Variants in ZNF718 observed in about 807,000 individuals in gnomAD.
The protein encoded by ZNF718 is zinc finger protein 718.
ZNF718 carries 3 observed loss-of-function variants against 2.6 expected under a neutral mutation model. That is an observed-to-expected ratio of 1.16 (90% CI 0.53 to 3.01). The LOEUF is 3.01. Among genes scored for constraint, ZNF718 ranks in the 30% most tolerant of loss-of-function variants. ZNF718 has a pLI of 0.03. For synonymous variants in ZNF718, 135 were observed against 77.9 expected, an observed-to-expected ratio of 1.73 and a Z score of -3.86; for missense variants, 468 against 230.0, an observed-to-expected ratio of 2.03 and a Z score of -6.69.
downstream of ZNF718, among the ~76,000 whole-genome samples, chr4:166,695 CTGTT>C (rs1717095556): frequency 6.6e-6 from 1 of 151,812 alleles, no homozygotes; most frequent in Non-Finnish European, 1.5e-5. Context: ...TTTGATGGGG[CTGTT>C]TGTTTTTTTT....
chr4:135,012 G>A (rs1715495755), intron 3 of ZNF718, among the ~76,000 whole-genome samples: 1 of 152,268 alleles, frequency 6.6e-6, no homozygotes, highest in Admixed American at 6.5e-5. Context: ...GGGAGGCTAA[G>A]GTGGGTGGAT....
intron 1 of ZNF718, among the ~76,000 whole-genome samples, chr4:125,513 T>C (rs1715168440): frequency 6.6e-6 from 1 of 152,178 alleles, no homozygotes; most frequent in Admixed American, 6.5e-5. Context: ...GAGCATTGAC[T>C]GGTGTTGAGG....
intron 1 of ZNF718, among the ~76,000 whole-genome samples, chr4:126,126 C>T (rs1204026221): frequency 6.6e-6 from 1 of 152,224 alleles, no homozygotes; most frequent in Non-Finnish European, 1.5e-5. Flanking sequence ...CTTTTTCCTT[C>T]CCCACAAATC....
At chr4:150,888 TTGTG>T (rs111894956) in intron 3 of ZNF718, among the ~76,000 whole-genome samples, 11 of 150,228 alleles carry the variant, frequency 7.3e-5, no homozygotes, top group East Asian at 1.9e-4. Flanking sequence ...AATTTGAATT[TTGTG>T]TGTGTGTGTG....
chr4:126,800 AT>A (rs1462551411), intron 1 of ZNF718, among the ~76,000 whole-genome samples: 6 of 150,320 alleles, frequency 4.0e-5, no homozygotes, highest in African/African-American at 1.5e-4. Flanking sequence ...ATGGTGGAAA[AT>A]TTTTTTAGGA....
At chr4:165,262 A>G (rs1203756987), downstream of ZNF718, among the ~76,000 whole-genome samples, 2 of 152,168 alleles carry the variant, frequency 1.3e-5, no homozygotes, top group Non-Finnish European at 2.9e-5. Context: ...GGGTATTTAT[A>G]GCTTATCAAT....
chr4:139,902 C>T (rs1206336566), intron 3 of ZNF718, among the ~76,000 whole-genome samples: 1 of 152,214 alleles, frequency 6.6e-6, no homozygotes, highest in Non-Finnish European at 1.5e-5. Context: ...GCAGAGAAGG[C>T]TGACTGCCAC....
chr4:185,410 T>G (rs1310535236), intron 3 of ZNF718, among the ~76,000 whole-genome samples: 1 of 152,210 alleles, frequency 6.6e-6, no homozygotes, highest in Non-Finnish European at 1.5e-5. Context: ...GAGGCATGTT[T>G]TAATACTGAT....
At chr4:171,911 G>A (rs1199181883) in intron 3 of ZNF718, among the ~76,000 whole-genome samples, 1 of 152,212 alleles carries the variant, frequency 6.6e-6, no homozygotes, top group South Asian at 2.1e-4. Context: ...TGGAAATGCA[G>A]AAATCACACG....
chr4:158,394 C>T (rs912564720), intron 3 of ZNF718, among the ~76,000 whole-genome samples: 2 of 151,894 alleles, frequency 1.3e-5, no homozygotes, highest in South Asian at 2.1e-4. Flanking sequence ...GACAGAAAGG[C>T]TTACTAATAT....
At chr4:155,259 C>A (rs1321966201) in intron 3 of ZNF718, among the ~76,000 whole-genome samples, 1 of 152,220 alleles carries the variant, frequency 6.6e-6, no homozygotes. Flanking sequence ...AGAGTCCCCA[C>A]TGGGGCACTG....
chr4:127,196 C>G lies in ZNF718; in HGVS notation c.3+2523C>G, dbSNP rs1442154063. Among the ~76,000 whole-genome samples, 11 of 92,524 alleles carry G rather than the reference C, an allele frequency of 1.2e-4. 3 individuals carry two copies. The South Asian group carries it at 3.0e-3, about 25-fold the overall frequency. 60.7% of individuals were successfully genotyped at this position (92,524 alleles called of 152,430 possible). A position where few individuals can be genotyped will look rare whatever the true frequency, so the allele number is the denominator to read the frequency against. On this transcript the variant is annotated intron_variant, in intron 1 of 3. Coordinates refer to ENST00000510175, the MANE Select transcript of ZNF718 (RefSeq NM_001039127.6). ...TGGACGTTATATACAAAGTGCCCAC[C>G]AGGCTTCACTTGAGAGAAAAACCTT...
chr4:170,466 C>A lies in ZNF718; in HGVS notation c.227-30615C>A, dbSNP rs559161619. On this transcript the variant is annotated intron_variant and NMD_transcript_variant, in intron 3 of 4. Coordinates refer to the ZNF718 transcript ENST00000642529. The stretch of plus-strand genomic sequence containing the variant: ...GTTTTCCAACTTGGTTCCATTCTCC[C>A]TGTCACTTTCAGGTACACCAATCAG... Among the ~76,000 whole-genome samples, 33 of 152,320 alleles carry A rather than the reference C, an allele frequency of 2.2e-4. No homozygotes were observed. In the South Asian group the frequency reaches 6.4e-3, roughly 30 times the overall value.
chr4:180,320 T>G (rs1256129734), intron 3 of ZNF718, among the ~76,000 whole-genome samples: 1 of 152,250 alleles, frequency 6.6e-6, no homozygotes, highest in East Asian at 1.9e-4. Context: ...ATAAAAGTGT[T>G]TTCTAGGCTG....
intron 3 of ZNF718, among the ~76,000 whole-genome samples, chr4:188,734 G>T (rs1431228492): frequency 1.3e-5 from 2 of 152,136 alleles, no homozygotes; most frequent in African/African-American, 2.4e-5. Context: ...TAATACAAGG[G>T]TTGCAAAGAT....
At chr4:182,502 C>T (rs782034716) in intron 3 of ZNF718, among the ~76,000 whole-genome samples, 3 of 151,876 alleles carry the variant, frequency 2.0e-5, no homozygotes, top group African/African-American at 7.3e-5. Context: ...GGCATGATCT[C>T]GGTTTACTGC....
At chr4:187,104 G>A (rs180961962) in intron 3 of ZNF718, among the ~76,000 whole-genome samples, 29 of 152,112 alleles carry the variant, frequency 1.9e-4, no homozygotes, top group African/African-American at 3.1e-4. Flanking sequence ...TTTTGTTGTC[G>A]TTTGTCTGTT....
At chr4:179,789 T>C (rs116735449) in intron 3 of ZNF718, among the ~76,000 whole-genome samples, 1 of 152,258 alleles carries the variant, frequency 6.6e-6, no homozygotes, top group African/African-American at 2.4e-5. Flanking sequence ...ACCCAGAAAG[T>C]TGGAAGTTAA....
At position 146,077 on chromosome 4, in the gene ZNF718, C is replaced by CTATATATATATATATATATATATATATA. The variant is rs5742061; in HGVS notation, c.226+14595_226+14596insATATATATATATATATATATATATATAT. 4.2e-5 allele frequency among the ~76,000 whole-genome samples: 6 copies of CTATATATATATATATATATATATATATA among 143,062 alleles called. No homozygotes were observed. In the South Asian group the frequency reaches 1.3e-3, roughly 32 times the overall value. The allele number at this position is 143,062 out of a possible 152,430, so 93.9% of individuals were successfully genotyped here. Reference sequence around the variant, plus strand: ...GCACCATAATTAGTGATATAGCCTTCTATATATATATATATATATATATGT... The same window carrying CTATATATATATATATATATATATATATA: ...GCACCATAATTAGTGATATAGCCTTCTATATATATATATATATATATATATATATATATATATATATATATATATATGT... On this transcript the variant is annotated intron_variant, in intron 3 of 3. Transcript: ENST00000510175.
Sources: gnomAD v4.1 joint callset for allele counts (sites outside exome capture counted in the v4.1 genomes callset) on GRCh38, gnomAD v4.1.1 for gene constraint, MANE v1.5 for transcripts, NCBI Gene and HGNC (gene_info 2026-07-23, HGNC 2026-07-21) for gene names.